Variants in KIF13B observed in about 807,000 individuals in gnomAD.
The protein encoded by KIF13B is kinesin family member 13B.
A neutral mutation model predicts 222.0 loss-of-function variants in KIF13B; 127 were observed. The ratio of observed to expected loss-of-function variants is 0.57; its 90% CI spans 0.50 to 0.66. KIF13B has a LOEUF of 0.66. Ranked by LOEUF, KIF13B falls within the 30% of genes least tolerant of loss-of-function variation. The pLI is 0.00. For synonymous variants in KIF13B, 976 were observed against 919.0 expected (o/e 1.06, Z -1.12); for missense variants, 2,173 against 2,379.0 (o/e 0.91, Z 1.80).
chr8:29,222,736 A>G (rs1814816668), intron 2 of KIF13B, among the ~76,000 whole-genome samples: 1 of 152,094 alleles, frequency 6.6e-6, no homozygotes, highest in East Asian at 1.9e-4. Context: ...GGTACATGCC[A>G]AAGACTTCGC....
At chr8:29,106,824 T>C (rs879503414) in intron 35 of KIF13B, among the ~76,000 whole-genome samples, 7 of 152,134 alleles carry the variant, frequency 4.6e-5, no homozygotes, top group Non-Finnish European at 8.8e-5. Context: ...TCTGTCTCTG[T>C]CACGCTGCCT....
At chr8:29,243,398 C>T (rs898788230) in intron 2 of KIF13B, among the ~76,000 whole-genome samples, 10 of 147,332 alleles carry the variant, frequency 6.8e-5, no homozygotes, top group East Asian at 6.1e-4. Context: ...GGCTCACACC[C>T]GTAATCCCAG....
chr8:29,103,799 G>A (rs1218243125), intron 35 of KIF13B, among the ~76,000 whole-genome samples: 1 of 151,984 alleles, frequency 6.6e-6, no homozygotes, highest in African/African-American at 2.4e-5. Context: ...CGCCTCCCAC[G>A]TCCTCACTAA....
chr8:29,204,469 C>A (rs369410215), intron 2 of KIF13B, among the ~76,000 whole-genome samples: 2 of 152,266 alleles, frequency 1.3e-5, no homozygotes, highest in South Asian at 2.1e-4. Flanking sequence ...TCCAGCTATT[C>A]AGGAGGCTGA....
chr8:29,107,405 G>A lies in KIF13B; in HGVS notation c.4215+734C>T, dbSNP rs769655100. Among the ~76,000 whole-genome samples, 100 of 152,046 alleles carry A rather than the reference G, an allele frequency of 6.6e-4. 1 individual carries two copies. Among genetic ancestry groups the A allele is most frequent in the Middle Eastern group, 3.4e-3 (1 of 294 alleles). Reference sequence around the variant, plus strand: ...TAGCTGGGTGTGGTGGCATGCACCTGTAATCCCAGCTATTTGGGAGGCTGA... The same window carrying A: ...TAGCTGGGTGTGGTGGCATGCACCTATAATCCCAGCTATTTGGGAGGCTGA... On this transcript the variant is annotated intron_variant, in intron 35 of 39. Coordinates refer to ENST00000524189, the MANE Select transcript of KIF13B (RefSeq NM_015254.4).
intron 1 of KIF13B, among the ~76,000 whole-genome samples, chr8:29,246,107 C>T (rs184276169): frequency 4.3e-4 from 65 of 152,260 alleles, no homozygotes; most frequent in African/African-American, 1.5e-3. Context: ...TGGCCGGGTG[C>T]GGTGGCTCAC....
intron 10 of KIF13B, among the ~76,000 whole-genome samples, chr8:29,169,274 A>C (rs571936843): frequency 6.6e-6 from 1 of 152,208 alleles, no homozygotes; most frequent in Non-Finnish European, 1.5e-5. Flanking sequence ...GTTTGTTCGG[A>C]CAATGGAGGT....
At chr8:29,255,915 T>G (rs1816458952) in intron 1 of KIF13B, among the ~76,000 whole-genome samples, 1 of 152,108 alleles carries the variant, frequency 6.6e-6, no homozygotes, top group Non-Finnish European at 1.5e-5. Context: ...CTGAGGTTGC[T>G]CTTCTTGGCC....
At chr8:29,190,869 T>C (rs551758901) in intron 4 of KIF13B, 128 bp downstream of exon 4, 173 of 791,808 alleles carry the variant, frequency 2.2e-4, no homozygotes, top group Non-Finnish European at 3.6e-4. Context: ...TGTTGATGAC[T>C]GTTATTGTGG....
At position 29,165,758 on chromosome 8, in the gene KIF13B, T is replaced by C. The variant is rs1343247963; in HGVS notation, c.1173A>G (p.Pro391=). The part of the protein sequence containing the change: ...QLTKAEAMKS[P]ELKDRLEESE... The stretch of plus-strand genomic sequence containing the variant: ...ATTCTTCCAGCCGGTCCTTTAGCTC[T>C]GGAGATTTCATTGCCTACAAGCAAA... The change falls in exon 12 of 40, where the codon CCA becomes CCG. Residue 391 remains proline, a synonymous_variant. Coordinates refer to ENST00000524189, the MANE Select transcript of KIF13B (RefSeq NM_015254.4). 1.2e-6 allele frequency: 2 copies of C among 1,612,858 alleles called. No homozygotes were observed. The highest frequency in any genetic ancestry group is 1.7e-6 in the Non-Finnish European group (2 of 1,178,954).
At chr8:29,177,049 C>G (rs1812509781) in intron 9 of KIF13B, among the ~76,000 whole-genome samples, 1 of 152,136 alleles carries the variant, frequency 6.6e-6, no homozygotes, top group African/African-American at 2.4e-5. Flanking sequence ...TAGCTTAGAC[C>G]AGTGGTTCTC....
At chr8:29,150,058 A>G (rs1051254751) in intron 15 of KIF13B, among the ~76,000 whole-genome samples, 1 of 152,362 alleles carries the variant, frequency 6.6e-6, no homozygotes, top group East Asian at 1.9e-4. Flanking sequence ...AATAAAAGGG[A>G]AAAACTATGT....
At chr8:29,245,470 T>A in intron 1 of KIF13B, 31 bp from the exon 2 acceptor site, 1 of 1,464,668 alleles carries the variant, frequency 6.8e-7, no homozygotes, top group Non-Finnish European at 9.3e-7. Flanking sequence ...AAAACAGTCA[T>A]TTTAAAAAGT....
intron 2 of KIF13B, among the ~76,000 whole-genome samples, chr8:29,239,700 T>A (rs1399075372): frequency 6.6e-6 from 1 of 152,254 alleles, no homozygotes; most frequent in Non-Finnish European, 1.5e-5. Flanking sequence ...TCTTACTCTA[T>A]CGCCCAAGTT....
chr8:29,210,478 T>C (rs1019782474), intron 2 of KIF13B, among the ~76,000 whole-genome samples: 3 of 152,198 alleles, frequency 2.0e-5, no homozygotes, highest in Non-Finnish European at 2.9e-5. Context: ...TCCAGCCTTA[T>C]TGCCCCCAAA....
chr8:29,071,645 G>T lies in KIF13B; in HGVS notation c.5193C>A (p.Val1731=). 6.4e-7 allele frequency: 1 copy of T among 1,554,590 alleles called. No homozygotes were observed. Among genetic ancestry groups the T allele is most frequent in the Non-Finnish European group, 8.7e-7 (1 of 1,149,728 alleles). ...CTGAGGGCAGGTCGAGCTCCACGCCGACCCACGTGCCCTCTTGGAAGTCGG... is the reference window on the plus strand; with the variant it reads ...CTGAGGGCAGGTCGAGCTCCACGCCTACCCACGTGCCCTCTTGGAAGTCGG... The part of the protein sequence containing the change: ...GPADFQEGTW[V]GVELDLPSGK... The change falls in exon 39 of 40, where the codon GTC becomes GTA. Residue 1731 remains valine (V), a synonymous_variant. Coordinates refer to ENST00000524189, the MANE Select transcript of KIF13B (RefSeq NM_015254.4). The surrounding 1 kb of genome is among the most constrained non-coding windows in gnomAD (Gnocchi z 4.9).
At chr8:29,193,945 G>GT (rs1813302203) in intron 3 of KIF13B, among the ~76,000 whole-genome samples, 1 of 150,974 alleles carries the variant, frequency 6.6e-6, no homozygotes. Context: ...AGCCTCCTGA[G>GT]TAGCTGGGAC....
At chr8:29,131,481 T>C (rs942763280) in intron 23 of KIF13B, among the ~76,000 whole-genome samples, 4 of 152,234 alleles carry the variant, frequency 2.6e-5, no homozygotes, top group Admixed American at 2.6e-4. Context: ...AATGTCACTT[T>C]CTAATTTAGT....
intron 32 of KIF13B, 118 bp from the exon 33 acceptor site, chr8:29,110,188 G>C: frequency 1.2e-6 from 1 of 858,576 alleles, no homozygotes; most frequent in Non-Finnish European, 1.8e-6. Flanking sequence ...AGTCAGCTTT[G>C]GAACGCCAAA....
Sources: allele counts gnomAD v4.1 joint callset (sites outside exome capture counted in the v4.1 genomes callset), GRCh38; gene constraint gnomAD v4.1.1; non-coding constraint Gnocchi (gnomAD v3.1); transcripts MANE v1.5; gene names NCBI Gene and HGNC (gene_info 2026-07-23, HGNC 2026-07-21).